Variants in ASCC3 observed in about 807,000 individuals in gnomAD.
ASCC3 encodes ASC-1 complex subunit P200.
In ASCC3, 158 loss-of-function variants were observed where a neutral mutation model predicts 256.3. The observed-to-expected ratio is 0.62, with a 90% CI of 0.54 to 0.70. The LOEUF (loss-of-function observed/expected upper bound fraction) is 0.70, where lower values mean the gene tolerates loss of function less well. Among genes scored for constraint, ASCC3 ranks in the 30% least tolerant of loss-of-function variants. The pLI is 0.00. For missense variants in ASCC3, 2,259 were observed against 2,626.0 expected, an observed-to-expected ratio of 0.86 and a Z score of 3.05; for synonymous variants, 948 against 883.4, an observed-to-expected ratio of 1.07 and a Z score of -1.30.
chr6:100,535,437 A>G (rs1473605137), intron 37 of ASCC3, among the ~76,000 whole-genome samples: 2 of 147,546 alleles, frequency 1.4e-5, no homozygotes, highest in African/African-American at 2.5e-5. Context: ...CAAGAGTGAG[A>G]GGATTTAGAA....
At chr6:100,800,233 A>G (rs1337527412) in intron 6 of ASCC3, 67 bp downstream of exon 6, 8 of 1,530,504 alleles carry the variant, frequency 5.2e-6, no homozygotes, top group African/African-American at 1.4e-5. Flanking sequence ...CTAAACTAAA[A>G]AGTGATAATG....
At chr6:100,711,545 G>A (rs188105836) in intron 13 of ASCC3, among the ~76,000 whole-genome samples, 1 of 152,208 alleles carries the variant, frequency 6.6e-6, no homozygotes, top group East Asian at 1.9e-4. Flanking sequence ...TGACCAACAT[G>A]GTGAAACCCT....
chr6:100,768,901 C>T (rs192999328), intron 8 of ASCC3, among the ~76,000 whole-genome samples: 1 of 151,984 alleles, frequency 6.6e-6, no homozygotes, highest in Non-Finnish European at 1.5e-5. Flanking sequence ...TATCAGGTAC[C>T]CTTATTAGAA....
intron 10 of ASCC3, among the ~76,000 whole-genome samples, chr6:100,759,082 TGGG>T (rs1221913758): frequency 6.6e-6 from 1 of 152,164 alleles, no homozygotes; most frequent in Admixed American, 6.5e-5. Flanking sequence ...CACTTTTTGA[TGGG>T]GTTGTTTTCT....
intron 36 of ASCC3, among the ~76,000 whole-genome samples, chr6:100,586,580 GCTGCACCCACTGAC>G (rs1180413682): frequency 1.3e-5 from 2 of 152,198 alleles, no homozygotes; most frequent in East Asian, 1.9e-4. Context: ...CGCACGGTGT[GCTGCACCCACTGAC>G]CTGCACCCAC....
chr6:100,803,006 T>C (rs939152998), intron 5 of ASCC3, among the ~76,000 whole-genome samples: 1 of 151,992 alleles, frequency 6.6e-6, no homozygotes, highest in Non-Finnish European at 1.5e-5. Flanking sequence ...AGGGCGTGTC[T>C]TAAAAACAAA....
intron 4 of ASCC3, among the ~76,000 whole-genome samples, chr6:100,814,402 T>TTTG (rs1361009901): frequency 1.3e-5 from 2 of 152,090 alleles, no homozygotes; most frequent in African/African-American, 4.8e-5. Flanking sequence ...AGTTTTCTTT[T>TTTG]TTGTTGTTGT....
At chr6:100,827,698 C>A (rs1428578890) in intron 4 of ASCC3, among the ~76,000 whole-genome samples, 1 of 152,130 alleles carries the variant, frequency 6.6e-6, no homozygotes, top group African/African-American at 2.4e-5. Flanking sequence ...CCTATACAGA[C>A]AAATGCTAAC....
intron 37 of ASCC3, among the ~76,000 whole-genome samples, chr6:100,539,859 T>G (rs1022049653): frequency 6.6e-6 from 1 of 151,878 alleles, no homozygotes; most frequent in Non-Finnish European, 1.5e-5. Context: ...CCGTCTTGAG[T>G]GAAAGTCCGT....
At chr6:100,679,849 T>G (rs1418581065) in intron 13 of ASCC3, 97 bp from the exon 14 acceptor site, 4 of 1,339,248 alleles carry the variant, frequency 3.0e-6, no homozygotes, top group Admixed American at 1.8e-5. Context: ...ACTATTAATT[T>G]CTCAAAACAT....
At chr6:100,874,880 G>A (rs1773922954) in intron 1 of ASCC3, among the ~76,000 whole-genome samples, 1 of 152,148 alleles carries the variant, frequency 6.6e-6, no homozygotes, top group Admixed American at 6.5e-5. Context: ...GGTAAACTAT[G>A]AGGGGGAAAG....
chr6:100,770,485 T>G (rs1303455509), intron 8 of ASCC3, among the ~76,000 whole-genome samples: 1 of 132,448 alleles, frequency 7.6e-6, no homozygotes, highest in Non-Finnish European at 1.6e-5. Flanking sequence ...TGGAGTGCAA[T>G]TGGAAAAGGG....
intron 8 of ASCC3, among the ~76,000 whole-genome samples, chr6:100,781,094 T>C (rs546445998): frequency 2.6e-5 from 4 of 152,286 alleles, no homozygotes; most frequent in South Asian, 4.1e-4. Context: ...GTGATGTTGT[T>C]TTTTTCCTCT....
At chr6:100,646,366 G>C (rs1775379372) in intron 22 of ASCC3, among the ~76,000 whole-genome samples, 2 of 151,996 alleles carry the variant, frequency 1.3e-5, no homozygotes, top group South Asian at 2.1e-4. Flanking sequence ...CTGGAGTGCA[G>C]TGGCACAGTC....
At chr6:100,634,371 A>G (rs890935249) in intron 25 of ASCC3, among the ~76,000 whole-genome samples, 10 of 152,110 alleles carry the variant, frequency 6.6e-5, no homozygotes, top group South Asian at 4.1e-4. Flanking sequence ...GTAATTTTGC[A>G]TCCTTTAACC....
At chr6:100,799,410 A>C in intron 7 of ASCC3, 21 bp downstream of exon 7, 9 of 1,609,206 alleles carry the variant, frequency 5.6e-6, no homozygotes, top group Non-Finnish European at 7.6e-6. Flanking sequence ...ATTGAACAGT[A>C]GTTATATAAC....
intron 10 of ASCC3, among the ~76,000 whole-genome samples, chr6:100,737,913 C>G (rs1020240963): frequency 9.2e-5 from 14 of 152,096 alleles, no homozygotes; most frequent in African/African-American, 3.4e-4. Flanking sequence ...TTAGTAACAG[C>G]CATTCTGACA....
chr6:100,603,999 C>T (rs1257660690), intron 33 of ASCC3, among the ~76,000 whole-genome samples: 3 of 151,958 alleles, frequency 2.0e-5, no homozygotes, highest in African/African-American at 4.8e-5. Context: ...AGATTGTGTA[C>T]GATTGATGCT....
chr6:100,852,073 G>C (rs1000039812), intron 3 of ASCC3, among the ~76,000 whole-genome samples: 2 of 152,222 alleles, frequency 1.3e-5, no homozygotes, highest in African/African-American at 2.4e-5. Context: ...TCAGATTGGA[G>C]CAGACGAAGG....
Sources: gnomAD v4.1 joint callset for allele counts (sites outside exome capture counted in the v4.1 genomes callset) on GRCh38, gnomAD v4.1.1 for gene constraint, MANE v1.5 for transcripts, NCBI Gene and HGNC (gene_info 2026-07-23, HGNC 2026-07-21) for gene names.